CTIF: variants seen among roughly 807,000 people sequenced by gnomAD.
CTIF encodes the protein cap binding complex dependent translation initiation factor, also known as CBP80/20-dependent translation initiation factor.
CTIF carries 21 observed loss-of-function variants against 66.0 expected under a neutral mutation model. The ratio of observed to expected loss-of-function variants is 0.32; its 90% CI spans 0.23 to 0.46. The LOEUF (loss-of-function observed/expected upper bound fraction) is 0.46. Ranked by LOEUF, CTIF falls within the 20% of genes least tolerant of loss-of-function variation. The pLI is 1.00. For missense variants in CTIF, 739 were observed against 812.7 expected, an observed-to-expected ratio of 0.91 and a Z score of 1.10; for synonymous variants, 345 against 326.4, an observed-to-expected ratio of 1.06 and a Z score of -0.62.
chr18:48,832,180 T>C (rs1414619355), intron 10 of CTIF, among the ~76,000 whole-genome samples: 1 of 149,320 alleles, frequency 6.7e-6, no homozygotes, highest in Admixed American at 6.6e-5. Context: ...CTTCTTTTTT[T>C]TTTTTTTTTA....
intron 9 of CTIF, among the ~76,000 whole-genome samples, chr18:48,781,982 G>C (rs1911277279): frequency 1.3e-5 from 2 of 152,142 alleles, no homozygotes; most frequent in South Asian, 4.1e-4. Flanking sequence ...GATTCAAACT[G>C]CTTTGAAGCA....
At chr18:48,779,262 A>G (rs1198285550) in intron 9 of CTIF, among the ~76,000 whole-genome samples, 2 of 152,178 alleles carry the variant, frequency 1.3e-5, no homozygotes, top group African/African-American at 4.8e-5. Context: ...AGCTGTATGC[A>G]TACACTGTGG....
At chr18:48,784,918 C>T (rs944506542) in intron 9 of CTIF, among the ~76,000 whole-genome samples, 1 of 152,256 alleles carries the variant, frequency 6.6e-6, no homozygotes, top group African/African-American at 2.4e-5. Flanking sequence ...GTCATCCACA[C>T]TCCCAGGAAT....
At chr18:48,626,656 G>GC (rs373460550) in intron 2 of CTIF, among the ~76,000 whole-genome samples, 13,450 of 107,968 alleles carry the variant, frequency 0.12, 782 homozygotes, top group Middle Eastern at 0.2. Context: ...TTTTTTTTTT[G>GC]TTTTTTTTTT....
At position 48,758,243 on chromosome 18, in the gene CTIF, G is replaced by C. The variant is rs1381535987; in HGVS notation, c.909G>C (p.Leu303=). ...SLEAPRSPDT[L]APVASERLPP... ...AGGCCCCCCGCAGCCCTGACACCCT[G>C]GCCCCGGTGGCTTCTGAGCGGCTGC... The change falls in exon 8 of 12, where the codon CTG becomes CTC. Residue 303 remains leucine, a synonymous_variant. Coordinates refer to ENST00000256413, the MANE Select transcript of CTIF (RefSeq NM_014772.3). The C allele has an allele frequency of 1.2e-6, 2 of 1,613,414 alleles. No homozygotes were observed. The highest frequency in any genetic ancestry group is 2.2e-5 in the South Asian group (2 of 91,044).
chr18:48,688,434 C>G (rs985452504), intron 6 of CTIF: 4 of 152,178 alleles, frequency 2.6e-5, no homozygotes, highest in Non-Finnish European at 5.9e-5. Flanking sequence ...CCTAGACCAG[C>G]CAGAGAGAAC....
intron 9 of CTIF, among the ~76,000 whole-genome samples, chr18:48,796,275 G>A (rs539938052): frequency 9.2e-5 from 14 of 152,296 alleles, no homozygotes; most frequent in African/African-American, 3.1e-4. Flanking sequence ...CCGGGTTCAT[G>A]CCATTCTCCT....
chr18:48,563,917 C>G (rs2089220367), intron 1 of CTIF, among the ~76,000 whole-genome samples: 1 of 152,178 alleles, frequency 6.6e-6, no homozygotes, highest in Non-Finnish European at 1.5e-5. Context: ...GTTCCCCGCC[C>G]CAGCCATCAG....
intron 7 of CTIF, among the ~76,000 whole-genome samples, chr18:48,712,896 A>G (rs1245534703): frequency 2.0e-5 from 3 of 152,252 alleles, no homozygotes; most frequent in Non-Finnish European, 4.4e-5. Flanking sequence ...ATCTGAACAC[A>G]TTCACAGAGG....
At chr18:48,852,427 T>C (rs944168770) in intron 10 of CTIF, among the ~76,000 whole-genome samples, 5 of 151,834 alleles carry the variant, frequency 3.3e-5, no homozygotes, top group African/African-American at 1.2e-4. Context: ...ACCCCATGAC[T>C]CAGGTAGGCT....
At chr18:48,770,080 G>T (rs1367433220) in intron 9 of CTIF, among the ~76,000 whole-genome samples, 1 of 152,190 alleles carries the variant, frequency 6.6e-6, no homozygotes, top group African/African-American at 2.4e-5. Flanking sequence ...CCGATGACCG[G>T]ATCATAAACA....
rs934111617 is a variant in CTIF, at chr18:48,860,377, C to A, written c.*818C>A. The A allele has an allele frequency of 2.4e-5, 4 of 163,572 alleles. No individual in the cohort carries two copies. Among genetic ancestry groups the A allele is most frequent in the African/African-American group, 9.5e-5 (4 of 41,918 alleles). The allele number at this position is 163,572 out of a possible 1,614,324, so 10.1% of individuals were successfully genotyped here. On this transcript the variant is annotated 3_prime_UTR_variant, in exon 12 of 12. Coordinates refer to ENST00000256413, the MANE Select transcript of CTIF (RefSeq NM_014772.3). The stretch of plus-strand genomic sequence containing the variant: ...GATTAGTGGGAGATCAAACCCAGCT[C>A]CCCTCTAGAAGAAGGATTCGAGCCA...
chr18:48,755,091 T>C lies in CTIF; in HGVS notation c.585-2828T>C, dbSNP rs116775447. Among the ~76,000 whole-genome samples the C allele has an allele frequency of 5.8e-3, 887 of 152,234 alleles. 10 individuals carry two copies. The highest frequency in any genetic ancestry group is 0.021 in the African/African-American group (867 of 41,528). ...TGGGAAGGGCTTGGTCAACCATCCT[T>C]TGGGGACATTTCTTGGGCCATAGCT... is the stretch of plus-strand genomic sequence containing the variant. On this transcript the variant is annotated intron_variant, in intron 7 of 11. Coordinates refer to ENST00000256413, the MANE Select transcript of CTIF (RefSeq NM_014772.3).
intron 3 of CTIF, among the ~76,000 whole-genome samples, chr18:48,654,868 A>C (rs1393244162): frequency 3.9e-5 from 6 of 152,078 alleles, no homozygotes; most frequent in Non-Finnish European, 7.4e-5. Context: ...GCAAACTATC[A>C]CAAGGACAGA....
chr18:48,689,681 G>C (rs554455283), intron 6 of CTIF, among the ~76,000 whole-genome samples: 5 of 152,328 alleles, frequency 3.3e-5, no homozygotes, highest in Non-Finnish European at 5.9e-5. Flanking sequence ...CCCCAGGCCA[G>C]CGCAGATGAG....
chr18:48,615,217 ATATTT>A (rs1441946903), intron 1 of CTIF, among the ~76,000 whole-genome samples: 2 of 152,184 alleles, frequency 1.3e-5, no homozygotes, highest in Non-Finnish European at 2.9e-5. Context: ...TATGTTGTGT[ATATTT>A]GACCATAATA....
chr18:48,594,062 C>T (rs1198583753), intron 1 of CTIF, among the ~76,000 whole-genome samples: 2 of 150,836 alleles, frequency 1.3e-5, no homozygotes, highest in East Asian at 2.0e-4. Context: ...GAACACAAGC[C>T]CCCCCTCCTA....
chr18:48,587,829 G>A (rs759489117), intron 1 of CTIF, among the ~76,000 whole-genome samples: 1 of 152,108 alleles, frequency 6.6e-6, no homozygotes, highest in Admixed American at 6.5e-5. Context: ...CCATTTTGAC[G>A]TTTTTGCATT....
intron 7 of CTIF, among the ~76,000 whole-genome samples, chr18:48,730,872 G>A (rs11659460): frequency 0.12 from 17,626 of 151,682 alleles, 1,181 homozygotes; most frequent in Non-Finnish European, 0.14. Context: ...GCCTCCCGCA[G>A]TGTGAGGGGC....
Sources: gnomAD v4.1 joint callset for allele counts (sites outside exome capture counted in the v4.1 genomes callset) on GRCh38, gnomAD v4.1.1 for gene constraint, MANE v1.5 for transcripts, NCBI Gene and HGNC (gene_info 2026-07-23, HGNC 2026-07-21) for gene names.